The following LMBR1 variants were observed in gnomAD, a reference collection of about 807,000 sequenced individuals.
LMBR1 encodes limb region 1 protein homolog.
LMBR1 carries 52 observed loss-of-function variants against 73.9 expected under a neutral mutation model. The observed-to-expected ratio is 0.70, with a 90% CI of 0.56 to 0.89. The LOEUF is 0.89. Among genes scored for constraint, LMBR1 ranks in the 40% least tolerant of loss-of-function variants. The pLI, the probability that LMBR1 is intolerant of heterozygous loss-of-function variation, is 0.00. For missense variants in LMBR1, 539 were observed against 579.8 expected (o/e 0.93, Z 0.72); for synonymous variants, 215 against 209.4 (o/e 1.03, Z -0.23).
intron 1 of LMBR1, among the ~76,000 whole-genome samples, chr7:156,855,530 G>GT (rs1796823681): frequency 6.6e-6 from 1 of 151,924 alleles, no homozygotes; most frequent in Admixed American, 6.6e-5. Flanking sequence ...CATAACATAC[G>GT]TAACAGGAAT....
At chr7:156,676,538 T>C (rs2131785749), downstream of LMBR1, 1 of 1,614,120 alleles carries the variant, frequency 6.2e-7, no homozygotes, top group Non-Finnish European at 8.5e-7. Context: ...CCTGCTCACA[T>C]GTGTTCCACC....
intron 4 of LMBR1, among the ~76,000 whole-genome samples, chr7:156,816,401 C>T (rs1410241482): frequency 6.6e-6 from 1 of 151,826 alleles, no homozygotes; most frequent in Non-Finnish European, 1.5e-5. Flanking sequence ...TGATGGGAGA[C>T]GGGGTGAAGA....
chr7:156,688,009 A>G (rs1168369462), intron 16 of LMBR1, 21 bp downstream of exon 16: 12 of 1,533,076 alleles, frequency 7.8e-6, no homozygotes, highest in Non-Finnish European at 9.6e-6. Flanking sequence ...AGGAAAAAAT[A>G]CCCATAAACC....
chr7:156,814,134 AATAAATTCCTC>A (rs1183523956), intron 4 of LMBR1, among the ~76,000 whole-genome samples: 1 of 152,178 alleles, frequency 6.6e-6, no homozygotes, highest in Non-Finnish European at 1.5e-5. Flanking sequence ...AAAGAGACTC[AATAAATTCCTC>A]ACAAATTCCA....
intron 15 of LMBR1, among the ~76,000 whole-genome samples, chr7:156,710,180 C>T (rs946262436): frequency 5.9e-5 from 9 of 152,064 alleles, no homozygotes; most frequent in African/African-American, 2.2e-4. Flanking sequence ...GCTGGGATTA[C>T]AGGCATGAGC....
chr7:156,705,295 C>T (rs915980225), intron 15 of LMBR1, among the ~76,000 whole-genome samples: 28 of 152,344 alleles, frequency 1.8e-4, no homozygotes, highest in African/African-American at 6.5e-4. Context: ...TAGTGGCTTA[C>T]ACCTGTAATC....
At chr7:156,687,422 G>A (rs1366422179) in intron 16 of LMBR1, among the ~76,000 whole-genome samples, 1 of 152,100 alleles carries the variant, frequency 6.6e-6, no homozygotes, top group African/African-American at 2.4e-5. Flanking sequence ...GTGGAAATAA[G>A]CATAAAAATA....
At chr7:156,754,877 G>A (rs1185313478) in intron 9 of LMBR1, among the ~76,000 whole-genome samples, 2 of 152,118 alleles carry the variant, frequency 1.3e-5, no homozygotes, top group Non-Finnish European at 2.9e-5. Flanking sequence ...AACCATTTAT[G>A]TTATAAACAT....
chr7:156,786,020 T>C (rs140271104), intron 5 of LMBR1, among the ~76,000 whole-genome samples: 10 of 152,144 alleles, frequency 6.6e-5, no homozygotes, highest in Admixed American at 1.3e-4. Context: ...ACTAGTGACA[T>C]TGAGAAGTTC....
At chr7:156,830,281 T>C (rs1836446831) in intron 3 of LMBR1, among the ~76,000 whole-genome samples, 1 of 152,230 alleles carries the variant, frequency 6.6e-6, no homozygotes, top group Non-Finnish European at 1.5e-5. Context: ...CTCACCTTTT[T>C]AAAACTCCAC....
intron 10 of LMBR1, among the ~76,000 whole-genome samples, chr7:156,731,912 A>G (rs575133051): frequency 2.9e-4 from 43 of 150,860 alleles, no homozygotes; most frequent in South Asian, 4.2e-4. Context: ...TTGTAATTCC[A>G]TATCTAGTAT....
intron 5 of LMBR1, among the ~76,000 whole-genome samples, chr7:156,795,487 C>G (rs960362962): frequency 6.6e-6 from 1 of 152,090 alleles, no homozygotes; most frequent in African/African-American, 2.4e-5. Flanking sequence ...AATGAATATC[C>G]ATCAAAAGTT....
At chr7:156,781,470 G>A (rs1827121615) in intron 5 of LMBR1, among the ~76,000 whole-genome samples, 1 of 152,030 alleles carries the variant, frequency 6.6e-6, no homozygotes, top group African/African-American at 2.4e-5. Context: ...CTTTGGGTGG[G>A]CAGGTATCAG....
intron 15 of LMBR1, among the ~76,000 whole-genome samples, chr7:156,708,862 T>C (rs1472848057): frequency 1.3e-5 from 2 of 152,122 alleles, no homozygotes; most frequent in Non-Finnish European, 2.9e-5. Context: ...TTGCCAACTG[T>C]GTGGGAGCTG....
At chr7:156,694,777 T>C (rs1029688153) in intron 15 of LMBR1, among the ~76,000 whole-genome samples, 1 of 152,188 alleles carries the variant, frequency 6.6e-6, no homozygotes, top group Admixed American at 6.5e-5. Flanking sequence ...ACACTAAGAA[T>C]GGACTTTCCA....
intron 15 of LMBR1, among the ~76,000 whole-genome samples, chr7:156,708,472 G>A (rs1811432382): frequency 6.6e-6 from 1 of 152,166 alleles, no homozygotes; most frequent in African/African-American, 2.4e-5. Flanking sequence ...GTGGCAGGAA[G>A]AGCCCTGTAG....
Position 156,683,571 on chromosome 7 carries a change from T to C in LMBR1, c.*507A>G, listed in dbSNP as rs1805411950. Reference sequence around the variant, plus strand: ...GAAACATAATTGCAACCATTACAGCTCCAACATACACTGCAAAAATGATAT... The same window carrying C: ...GAAACATAATTGCAACCATTACAGCCCCAACATACACTGCAAAAATGATAT... On this transcript the variant is annotated 3_prime_UTR_variant, in exon 17 of 17. Transcript: ENST00000353442. 1 of 152,372 alleles carries C rather than the reference T, an allele frequency of 6.6e-6. No homozygotes were observed. Among genetic ancestry groups the C allele is most frequent in the South Asian group, 2.1e-4 (1 of 4,830 alleles). The allele number at this position is 152,372 out of a possible 1,614,324, so 9.4% of individuals were successfully genotyped here. A position where few individuals can be genotyped will look rare whatever the true frequency, so the allele number is the denominator to read the frequency against.
chr7:156,693,969 T>C (rs1318163949), intron 15 of LMBR1, among the ~76,000 whole-genome samples: 2 of 152,172 alleles, frequency 1.3e-5, no homozygotes, highest in Non-Finnish European at 2.9e-5. Context: ...GGCCAATTTA[T>C]TGCTGGGATG....
chr7:156,849,819 G>A (rs752146668), intron 1 of LMBR1, among the ~76,000 whole-genome samples: 5 of 152,070 alleles, frequency 3.3e-5, no homozygotes, highest in Non-Finnish European at 5.9e-5. Context: ...GAACACTAAT[G>A]TAAACTATGG....
Sources: allele counts gnomAD v4.1 joint callset (sites outside exome capture counted in the v4.1 genomes callset), GRCh38; gene constraint gnomAD v4.1.1; transcripts MANE v1.5; gene names NCBI Gene and HGNC (gene_info 2026-07-23, HGNC 2026-07-21).